DLG2: variants seen among roughly 807,000 people sequenced by gnomAD.
The protein encoded by DLG2 is disks large homolog 2.
In DLG2, 45 loss-of-function variants were observed where a neutral mutation model predicts 132.5. The ratio of observed to expected loss-of-function variants is 0.34; its 90% CI spans 0.27 to 0.44. DLG2 has a LOEUF of 0.44. Ranked by LOEUF, DLG2 falls within the 20% of genes least tolerant of loss-of-function variation. DLG2 has a pLI of 1.00. For synonymous variants in DLG2, 424 were observed against 419.6 expected (o/e 1.01, Z -0.13); for missense variants, 1,045 against 1,196.9 (o/e 0.87, Z 1.87).
At chr11:83,846,267 T>C (rs993935144) in intron 16 of DLG2, among the ~76,000 whole-genome samples, 1 of 152,190 alleles carries the variant, frequency 6.6e-6, no homozygotes, top group East Asian at 1.9e-4. Context: ...TTGAATAATG[T>C]GCAGGATTGG....
intron 6 of DLG2, among the ~76,000 whole-genome samples, chr11:84,557,589 G>T (rs1363169984): frequency 6.6e-6 from 1 of 151,542 alleles, no homozygotes; most frequent in Non-Finnish European, 1.5e-5. Flanking sequence ...TATTTATGTT[G>T]ATGTGTGCAA....
At chr11:84,771,331 A>T (rs1488727814) in intron 6 of DLG2, among the ~76,000 whole-genome samples, 2 of 152,178 alleles carry the variant, frequency 1.3e-5, no homozygotes, top group African/African-American at 4.8e-5. Context: ...GTGAGATGGT[A>T]TCTCATTGTG....
chr11:84,981,154 T>C (rs2055680240), intron 6 of DLG2, among the ~76,000 whole-genome samples: 1 of 152,222 alleles, frequency 6.6e-6, no homozygotes, highest in Non-Finnish European at 1.5e-5. Flanking sequence ...GGACTCTATA[T>C]GCTCTATTAA....
intron 6 of DLG2, among the ~76,000 whole-genome samples, chr11:84,961,309 A>G (rs1302947012): frequency 6.6e-6 from 1 of 151,906 alleles, no homozygotes; most frequent in Non-Finnish European, 1.5e-5. Flanking sequence ...GACCTACCCC[A>G]CTACCTCCCT....
intron 3 of DLG2, among the ~76,000 whole-genome samples, chr11:85,434,160 CACAGCTAAAGCTGTGTT>C (rs761980850): frequency 2.6e-5 from 4 of 152,134 alleles, no homozygotes; most frequent in Admixed American, 2.0e-4. Flanking sequence ...ATCTCTGGAA[CACAGCTAAAGCTGTGTT>C]AAGAGGGAAA....
Position 83,786,810 on chromosome 11 carries a change from A to C in DLG2, c.1723-18T>G. 1 of 1,611,226 alleles carries C rather than the reference A, an allele frequency of 6.2e-7. No individual in the cohort carries two copies. Among genetic ancestry groups the C allele is most frequent in the Non-Finnish European group, 8.5e-7 (1 of 1,177,540 alleles). On this transcript the variant is annotated intron_variant, in intron 17 of 27. Coordinates refer to ENST00000376104, the MANE Select transcript of DLG2 (RefSeq NM_001142699.3). Reference sequence around the variant, plus strand: ...CCATTCACCTGAAAGAGAGGAAGCCAGAGAATCTTGGTATTTCATAAGGCA... The same window carrying C: ...CCATTCACCTGAAAGAGAGGAAGCCCGAGAATCTTGGTATTTCATAAGGCA...
intron 10 of DLG2, among the ~76,000 whole-genome samples, chr11:84,061,526 C>G (rs1347762943): frequency 6.6e-6 from 1 of 152,132 alleles, no homozygotes; most frequent in African/African-American, 2.4e-5. Context: ...TCAGGTCTTC[C>G]TATTTCAAAA....
At chr11:84,946,177 C>A (rs2050168011) in intron 6 of DLG2, among the ~76,000 whole-genome samples, 1 of 152,114 alleles carries the variant, frequency 6.6e-6, no homozygotes, top group African/African-American at 2.4e-5. Context: ...GAATCAGAAA[C>A]CCCAGGGGTC....
At chr11:84,844,151 A>G (rs1469646133) in intron 6 of DLG2, among the ~76,000 whole-genome samples, 1 of 93,014 alleles carries the variant, frequency 1.1e-5, no homozygotes, top group African/African-American at 4.5e-5. Context: ...ATATATATAT[A>G]TATATATATA....
chr11:83,946,384 T>G (rs563176213), intron 14 of DLG2, among the ~76,000 whole-genome samples: 1 of 152,266 alleles, frequency 6.6e-6, no homozygotes, highest in South Asian at 2.1e-4. Context: ...CTGTGGATAT[T>G]TTAGTTCTGT....
At chr11:85,038,446 C>T (rs1177903812) in intron 6 of DLG2, among the ~76,000 whole-genome samples, 1 of 151,956 alleles carries the variant, frequency 6.6e-6, no homozygotes, top group Non-Finnish European at 1.5e-5. Flanking sequence ...CTCACAACAA[C>T]CTTGTGAGAA....
At chr11:85,199,483 G>C (rs532856202) in intron 4 of DLG2, among the ~76,000 whole-genome samples, 8 of 152,284 alleles carry the variant, frequency 5.3e-5, no homozygotes, top group Middle Eastern at 3.4e-3. Flanking sequence ...GAGAATCAAA[G>C]TTCATTGAAC....
chr11:85,076,820 G>A (rs2066605767), intron 6 of DLG2, among the ~76,000 whole-genome samples: 2 of 151,954 alleles, frequency 1.3e-5, no homozygotes, highest in Admixed American at 1.3e-4. Flanking sequence ...ATGACCCCTT[G>A]ACTGGCATTA....
chr11:84,009,768 C>T (rs2094781068), intron 11 of DLG2, among the ~76,000 whole-genome samples: 2 of 151,940 alleles, frequency 1.3e-5, no homozygotes, highest in African/African-American at 4.8e-5. Flanking sequence ...TTACTATATG[C>T]TAGGTACAAA....
intron 6 of DLG2, among the ~76,000 whole-genome samples, chr11:84,949,602 A>G (rs1314374475): frequency 2.6e-5 from 4 of 152,194 alleles, no homozygotes; most frequent in Non-Finnish European, 2.9e-5. Flanking sequence ...GCTGAGAAAA[A>G]GAATTCAGCA....
At chr11:85,216,965 A>C (rs957979209) in intron 4 of DLG2, among the ~76,000 whole-genome samples, 1 of 152,112 alleles carries the variant, frequency 6.6e-6, no homozygotes, top group African/African-American at 2.4e-5. Context: ...AAGTGCTGTG[A>C]TTACAGGTGT....
intron 6 of DLG2, among the ~76,000 whole-genome samples, chr11:84,685,276 T>C (rs1404384326): frequency 6.6e-6 from 1 of 152,226 alleles, no homozygotes; most frequent in Admixed American, 6.5e-5. Context: ...GTGTCCTCAA[T>C]GCCTAGCCAA....
At chr11:83,886,122 C>T (rs1389644345) in intron 15 of DLG2, among the ~76,000 whole-genome samples, 389 of 152,268 alleles carry the variant, frequency 2.6e-3, no homozygotes, top group Middle Eastern at 0.01. Flanking sequence ...TGTAAGTGGA[C>T]TAAATGCTCC....
In DLG2 at chr11:85,190,462, A is replaced by C. The variant is rs75688044; in HGVS notation, c.187-35811T>G. On this transcript the variant is annotated intron_variant, in intron 4 of 27. Transcript: ENST00000376104. ...TCACCCCTAAAGGAGCGAAAAAAAA[A>C]CAAGAGCAAATCAGCTCCAAAGCTA... Among the ~76,000 whole-genome samples, 1,398 of 152,300 alleles carry C rather than the reference A, an allele frequency of 9.2e-3. 19 individuals are homozygous for C. The highest frequency in any genetic ancestry group is 0.03 in the African/African-American group (1,258 of 41,548).
Sources: allele counts gnomAD v4.1 joint callset (sites outside exome capture counted in the v4.1 genomes callset), GRCh38; gene constraint gnomAD v4.1.1; transcripts MANE v1.5; gene names NCBI Gene and HGNC (gene_info 2026-07-23, HGNC 2026-07-21).